ADAMTS6: variants seen among roughly 807,000 people sequenced by gnomAD.
ADAMTS6 encodes the protein A disintegrin and metalloproteinase with thrombospondin motifs 6.
A neutral mutation model predicts 144.3 loss-of-function variants in ADAMTS6; 23 were observed. The observed-to-expected ratio is 0.16, with a 90% CI of 0.11 to 0.23. The LOEUF (loss-of-function observed/expected upper bound fraction) is 0.23, where lower values mean the gene tolerates loss of function less well. Ranked by LOEUF, ADAMTS6 falls within the 10% of genes least tolerant of loss-of-function variation. The probability of loss-of-function intolerance (pLI) is 1.00; values close to 1 mark genes in which losing one functional copy is unlikely to be tolerated. For missense variants in ADAMTS6, 999 were observed against 1,379.6 expected, an observed-to-expected ratio of 0.72 and a Z score of 4.37; for synonymous variants, 444 against 457.5, an observed-to-expected ratio of 0.97 and a Z score of 0.38.
intron 18 of ADAMTS6, among the ~76,000 whole-genome samples, chr5:65,219,138 T>C (rs376479125): frequency 8.4e-4 from 128 of 152,236 alleles, no homozygotes; most frequent in African/African-American, 2.9e-3. Flanking sequence ...CCCAACGATA[T>C]TGATAATTAC....
intron 7 of ADAMTS6, among the ~76,000 whole-genome samples, chr5:65,422,189 A>C (rs1756103183): frequency 6.6e-6 from 1 of 152,268 alleles, no homozygotes; most frequent in African/African-American, 2.4e-5. Context: ...ATGGCCAAAA[A>C]ATATATGAAA....
intron 21 of ADAMTS6, among the ~76,000 whole-genome samples, chr5:65,193,923 G>A (rs1307109022): frequency 6.6e-6 from 1 of 152,090 alleles, no homozygotes; most frequent in Non-Finnish European, 1.5e-5. Flanking sequence ...TGACTATAAA[G>A]TGTCATAAGT....
intron 7 of ADAMTS6, among the ~76,000 whole-genome samples, chr5:65,384,030 G>T (rs1003687935): frequency 6.6e-6 from 1 of 152,180 alleles, no homozygotes; most frequent in South Asian, 2.1e-4. Context: ...GCCTTAAAAC[G>T]TTCCACCACC....
At chr5:65,195,639 G>C (rs1434219154) in intron 21 of ADAMTS6, among the ~76,000 whole-genome samples, 1 of 152,166 alleles carries the variant, frequency 6.6e-6, no homozygotes, top group Non-Finnish European at 1.5e-5. Flanking sequence ...TTGGGACATG[G>C]ATTATTTATG....
chr5:65,423,615 T>G (rs1277417745), intron 7 of ADAMTS6, among the ~76,000 whole-genome samples: 2 of 152,152 alleles, frequency 1.3e-5, no homozygotes, highest in Non-Finnish European at 2.9e-5. Context: ...GTAAAAGCTA[T>G]TAAGATAAAA....
At chr5:65,228,877 A>T (rs1757923465) in intron 15 of ADAMTS6, among the ~76,000 whole-genome samples, 1 of 152,216 alleles carries the variant, frequency 6.6e-6, no homozygotes, top group Admixed American at 6.5e-5. Context: ...GGAGCAGAGA[A>T]GAGAGGCCAT....
chr5:65,152,006 A>G, intron 24 of ADAMTS6, 61 bp from the exon 25 acceptor site: 1 of 1,417,326 alleles, frequency 7.1e-7, no homozygotes, highest in Non-Finnish European at 9.9e-7. Context: ...TACATAAACA[A>G]GCCGATGGGC....
chr5:65,180,767 G>T (rs903902439), intron 22 of ADAMTS6, among the ~76,000 whole-genome samples: 3 of 151,954 alleles, frequency 2.0e-5, no homozygotes, highest in African/African-American at 7.3e-5. Flanking sequence ...CTCTATATAT[G>T]CTTAGTACCC....
At chr5:65,409,586 C>T (rs924443542) in intron 7 of ADAMTS6, among the ~76,000 whole-genome samples, 6 of 152,122 alleles carry the variant, frequency 3.9e-5, no homozygotes, top group Admixed American at 1.3e-4. Context: ...GGAGTTGGTA[C>T]CATTCCTTCT....
intron 7 of ADAMTS6, among the ~76,000 whole-genome samples, chr5:65,381,325 T>A (rs1424437288): frequency 6.6e-6 from 1 of 151,572 alleles, no homozygotes; most frequent in Admixed American, 6.6e-5. Flanking sequence ...TATAAGCTTC[T>A]AGGTAACCAA....
chr5:65,359,763 C>T (rs1446846255), intron 7 of ADAMTS6, among the ~76,000 whole-genome samples: 1 of 151,300 alleles, frequency 6.6e-6, no homozygotes, highest in Non-Finnish European at 1.5e-5. Context: ...AAGCCAGGCA[C>T]AGAGAGACAA....
Position 65,468,202 on chromosome 5 carries a change from G to A in ADAMTS6, c.462+2576C>T, listed in dbSNP as rs187603640. On this transcript the variant is annotated intron_variant, in intron 3 of 24. Transcript: ENST00000381055. ...GTCCCAGCACTAAAACTATGGGTGA[G>A]GAGATACGATTAGAAAACACTAATG... 2.0e-5 allele frequency among the ~76,000 whole-genome samples: 3 copies of A among 152,046 alleles called. No individual in the cohort carries two copies. In the South Asian group the frequency reaches 6.2e-4, roughly 32 times the overall value.
At chr5:65,467,012 G>A (rs1479731138) in intron 3 of ADAMTS6, among the ~76,000 whole-genome samples, 1 of 149,824 alleles carries the variant, frequency 6.7e-6, no homozygotes, top group Admixed American at 6.6e-5. Flanking sequence ...ACTGCACCCA[G>A]CCTGGGCGAC....
chr5:65,176,997 A>C (rs1754020198), intron 22 of ADAMTS6, among the ~76,000 whole-genome samples: 1 of 152,234 alleles, frequency 6.6e-6, no homozygotes, highest in Non-Finnish European at 1.5e-5. Context: ...CCTTTCCCTC[A>C]AAACTAAAAG....
At chr5:65,226,024 G>C in intron 16 of ADAMTS6, 62 bp downstream of exon 16, 1 of 1,530,116 alleles carries the variant, frequency 6.5e-7, no homozygotes, top group Non-Finnish European at 8.8e-7. Flanking sequence ...TTAAATAGGA[G>C]TTAATGAGAA....
At chr5:65,410,090 G>A (rs1489446082) in intron 7 of ADAMTS6, among the ~76,000 whole-genome samples, 8 of 152,152 alleles carry the variant, frequency 5.3e-5, no homozygotes, top group African/African-American at 1.7e-4. Context: ...GTGCTTGAGA[G>A]AAAAGAAGAC....
At chr5:65,314,754 G>C (rs1230346743) in intron 9 of ADAMTS6, among the ~76,000 whole-genome samples, 2 of 152,132 alleles carry the variant, frequency 1.3e-5, no homozygotes, top group African/African-American at 4.8e-5. Context: ...ATCTTTCAAA[G>C]ATTAAAGAGA....
chr5:65,280,509 T>C (rs1325758668), intron 11 of ADAMTS6, among the ~76,000 whole-genome samples: 1 of 152,174 alleles, frequency 6.6e-6, no homozygotes, highest in Non-Finnish European at 1.5e-5. Flanking sequence ...TCTTTAATGC[T>C]ATAGACTATA....
intron 24 of ADAMTS6, among the ~76,000 whole-genome samples, chr5:65,155,474 G>A (rs6449774): frequency 0.59 from 90,049 of 151,966 alleles, 27,198 homozygotes; most frequent in African/African-American, 0.69. Context: ...TTGGAACACA[G>A]TGGTAAGTAT....
Sources: gnomAD v4.1 joint callset for allele counts (sites outside exome capture counted in the v4.1 genomes callset) on GRCh38, gnomAD v4.1.1 for gene constraint, MANE v1.5 for transcripts, NCBI Gene and HGNC (gene_info 2026-07-23, HGNC 2026-07-21) for gene names.